Variants in RHCG observed in about 807,000 individuals in gnomAD.
RHCG encodes Rh family C glycoprotein.
Under a neutral mutation model 55.3 loss-of-function variants are expected in RHCG, and 39 were observed. That is an observed-to-expected ratio of 0.70 (90% CI 0.55 to 0.92). RHCG has a LOEUF of 0.92. Ranked by LOEUF, RHCG falls within the 40% of genes least tolerant of loss-of-function variation. The probability of loss-of-function intolerance (pLI) is 0.00; values close to 1 mark genes in which losing one functional copy is unlikely to be tolerated. For synonymous variants in RHCG, 250 were observed against 246.8 expected, an observed-to-expected ratio of 1.01 and a Z score of -0.12; for missense variants, 635 against 627.9, an observed-to-expected ratio of 1.01 and a Z score of -0.12.
chr15:89,493,334 G>A (rs957892629), intron 1 of RHCG, among the ~76,000 whole-genome samples: 7 of 152,210 alleles, frequency 4.6e-5, no homozygotes, highest in South Asian at 2.1e-4. Flanking sequence ...GGGAAGCTGC[G>A]TGCTTAGCAA....
At position 89,471,764 on chromosome 15, in the gene RHCG, C is replaced by T. The variant is rs1961041798; in HGVS notation, c.*116G>A. The stretch of plus-strand genomic sequence containing the variant: ...GGCAGGGGTGGAGGCACCTTGAGGC[C>T]AAGCCAGCAGGTGGGGGTGCTGCTT... On this transcript the variant is annotated 3_prime_UTR_variant, in exon 11 of 11. Transcript: ENST00000268122. The T allele has an allele frequency of 6.5e-6, 1 of 152,882 alleles. No homozygotes were observed. Among genetic ancestry groups the T allele is most frequent in the Non-Finnish European group, 1.5e-5 (1 of 68,214 alleles). The allele number at this position is 152,882 out of a possible 1,614,324, so 9.5% of individuals were successfully genotyped here. A position where few individuals can be genotyped will look rare whatever the true frequency, so the allele number is the denominator to read the frequency against.
At chr15:89,476,617 G>A (rs1446730474) in intron 9 of RHCG, 138 bp downstream of exon 9, 12 of 687,628 alleles carry the variant, frequency 1.7e-5, no homozygotes, top group African/African-American at 7.1e-5. Context: ...AGCCTCCCCC[G>A]ATGAAGAAGT....
Position 89,483,212 on chromosome 15 carries a change from A to G in RHCG, c.377T>C (p.Ile126Thr), listed in dbSNP as rs760019582. The change falls in exon 3 of 11, where the codon ATC becomes ACC. Residue 126 changes from isoleucine (I) to threonine (T), a missense_variant. By Grantham distance (89) the Ile-to-Thr change is moderately conservative. Transcript: ENST00000268122. The part of the protein sequence containing the change: ...RYIVVGVENL[I>T]NADFCVASVC... ...AGAGGCCACGCAGAAGTCAGCGTTG[A>G]TGAGGCTGTGGGGAGACAGGCCAGT... 4.5e-5 allele frequency: 71 copies of G among 1,573,266 alleles called. No homozygotes were observed. The highest frequency in any genetic ancestry group is 6.2e-5 in the Non-Finnish European group (71 of 1,148,198).
At chr15:89,476,662 T>C (rs1442320654) in intron 9 of RHCG, 93 bp downstream of exon 9, 3 of 1,041,580 alleles carry the variant, frequency 2.9e-6, no homozygotes, top group Non-Finnish European at 3.0e-6. Flanking sequence ...ACCCCCGGCA[T>C]CTGGGTCCCC....
Position 89,487,925 on chromosome 15 carries a change from A to C in RHCG, c.185-940T>G, listed in dbSNP as rs116545373. ...AAGCCACTTCCCTTCTCAGAGCCTC[A>C]GTTTTCTCAACGACCAAACTAAAGG... On this transcript the variant is annotated intron_variant, in intron 1 of 10. Transcript: ENST00000268122. Among the ~76,000 whole-genome samples, 911 of 152,330 alleles carry C rather than the reference A, an allele frequency of 6.0e-3. 7 individuals are homozygous for C. The highest frequency in any genetic ancestry group is 0.021 in the African/African-American group (876 of 41,578).
chr15:89,476,243 T>A (rs750008506), intron 9 of RHCG, among the ~76,000 whole-genome samples: 60 of 152,240 alleles, frequency 3.9e-4, no homozygotes, highest in Non-Finnish European at 2.1e-4. Context: ...AGTTTTCTAT[T>A]ATTTTTTGTA....
At chr15:89,481,615 G>A (rs1459166191) in intron 3 of RHCG, among the ~76,000 whole-genome samples, 2 of 152,102 alleles carry the variant, frequency 1.3e-5, no homozygotes, top group Non-Finnish European at 2.9e-5. Flanking sequence ...ACAGGAAGAT[G>A]GGGAGAGAGT....
chr15:89,494,500 C>T lies in RHCG; in HGVS notation c.184+1861G>A, dbSNP rs1031374174. On this transcript the variant is annotated intron_variant, in intron 1 of 10. Transcript: ENST00000268122. ...GCACTTGTTGCATGAACACATTAACCTGGGGTGTGAAAGGTGGGTGGGCAA... is the reference window on the plus strand; with the variant it reads ...GCACTTGTTGCATGAACACATTAACTTGGGGTGTGAAAGGTGGGTGGGCAA... Among the ~76,000 whole-genome samples the T allele has an allele frequency of 2.0e-5, 3 of 152,152 alleles. No homozygotes were observed. The East Asian group carries it at 5.8e-4, about 29-fold the overall frequency.
chr15:89,472,585 G>A (rs1961058356), intron 10 of RHCG, 126 bp downstream of exon 10: 1 of 923,060 alleles, frequency 1.1e-6, no homozygotes, highest in East Asian at 2.8e-5. Context: ...CCTCAGGCAG[G>A]AGGGGTGGAA....
chr15:89,485,994 T>C (rs1007681424), intron 2 of RHCG, among the ~76,000 whole-genome samples: 5 of 151,798 alleles, frequency 3.3e-5, no homozygotes, highest in African/African-American at 1.2e-4. Flanking sequence ...GTTGGGGAGG[T>C]GTGTTGAGGC....
In RHCG at chr15:89,479,423, G is replaced by C; in HGVS notation, c.736C>G (p.Gln246Glu). The C allele has an allele frequency of 6.2e-7, 1 of 1,614,156 alleles. No individual in the cohort carries two copies. The highest frequency in any genetic ancestry group is 8.5e-7 in the Non-Finnish European group (1 of 1,180,018). ...NSAISYHGDS[Q>E]HRAAINTYCS... ...TAGGTGTTGATGGCGGCTCGGTGCT[G>C]GCTGTCCCCATGGTAGGATATGGCT... Residue 246 changes from glutamine (Q) to glutamate (E), a missense_variant, in exon 5 of 11, where the codon CAG (glutamine) becomes GAG (glutamate). By Grantham distance (29) the Gln-to-Glu change is conservative. Coordinates refer to ENST00000268122, the MANE Select transcript of RHCG (RefSeq NM_016321.3).
intron 2 of RHCG, 120 bp downstream of exon 2, chr15:89,486,679 A>C: frequency 1.2e-6 from 1 of 851,538 alleles, no homozygotes; most frequent in Non-Finnish European, 1.8e-6. Flanking sequence ...CCAAAGGAGG[A>C]GTTGCCCTCC....
rs1961177580 is a variant in RHCG at position 89,477,614 on chromosome 15, C to G, written c.1015G>C (p.Gly339Arg). Residue 339 changes from glycine (G) to arginine (R), a missense_variant, in exon 7 of 11, where the codon GGC becomes CGC. By Grantham distance (125) the Gly-to-Arg change is moderately radical. Transcript: ENST00000268122. This position sits in a 1 kb window ranked among gnomAD's most constrained non-coding sequence, Gnocchi z 4.5. ...ESRLHIQDTC[G>R]INNLHGIPGI... ...GGAATGCCATGCAGATTGTTAATGC[C>G]ACATGTGTCCTGGATGTGCAGCCGG... 1 of 1,613,984 alleles carries G rather than the reference C, an allele frequency of 6.2e-7. No homozygotes were observed. Among genetic ancestry groups the G allele is most frequent in the African/African-American group, 1.3e-5 (1 of 74,886 alleles).
rs758510179 is a variant in RHCG, at chr15:89,476,804, C to T, written c.1262G>A (p.Trp421Ter). ...GCAGTTCTCATCTGAAGGTTGTCCCCAGAATGGTAATCTCAAAATGAGCCC... is the reference window on the plus strand; with the variant it reads ...GCAGTTCTCATCTGAAGGTTGTCCCTAGAATGGTAATCTCAAAATGAGCCC... ...IVGLILRLPF[W>*]GQPSDENCFE... The change falls in exon 9 of 11, where the codon TGG becomes TAG. Residue 421 changes from tryptophan to a stop codon, truncating the protein, a stop_gained. Coordinates refer to ENST00000268122, the MANE Select transcript of RHCG (RefSeq NM_016321.3). LOFTEE classifies it high-confidence loss of function. The T allele has an allele frequency of 6.2e-7, 1 of 1,614,128 alleles. No homozygotes were observed. The highest frequency in any genetic ancestry group is 1.7e-5 in the Admixed American group (1 of 60,024).
chr15:89,478,611 G>A (rs1961202262), intron 5 of RHCG, among the ~76,000 whole-genome samples: 1 of 152,166 alleles, frequency 6.6e-6, no homozygotes. Flanking sequence ...CCCTGTCCTT[G>A]ACCCTATTCC....
At chr15:89,489,571 T>C (rs1961436100) in intron 1 of RHCG, among the ~76,000 whole-genome samples, 1 of 152,166 alleles carries the variant, frequency 6.6e-6, no homozygotes, top group Admixed American at 6.5e-5. Flanking sequence ...GGGGGATTCC[T>C]ACTCCCTCAC....
chr15:89,480,471 C>T (rs1247952123), intron 3 of RHCG, 63 bp from the exon 4 acceptor site: 1 of 1,562,524 alleles, frequency 6.4e-7, no homozygotes. Context: ...ATTGCCGTCC[C>T]TGTCTTGCCA....
intron 2 of RHCG, chr15:89,486,212 T>G (rs922236362): frequency 2.2e-6 from 1 of 455,752 alleles, no homozygotes; most frequent in Non-Finnish European, 4.4e-6. Context: ...CACAGCTGTT[T>G]CCAGCACCTG....
At chr15:89,482,208 A>G (rs552419611) in intron 3 of RHCG, among the ~76,000 whole-genome samples, 2 of 152,328 alleles carry the variant, frequency 1.3e-5, no homozygotes, top group East Asian at 3.9e-4. Flanking sequence ...AAGTGCTGGG[A>G]TTACAGGCAT....
Sources: gnomAD v4.1 joint callset for allele counts (sites outside exome capture counted in the v4.1 genomes callset) on GRCh38, gnomAD v4.1.1 for gene constraint, Gnocchi (gnomAD v3.1) non-coding constraint, MANE v1.5 for transcripts, NCBI Gene and HGNC (gene_info 2026-07-23, HGNC 2026-07-21) for gene names.